Variants in BABAM1 observed in about 807,000 individuals in gnomAD.
BABAM1 encodes BRISC and BRCA1 A complex member 1.
In BABAM1, 14 loss-of-function variants were observed where a neutral mutation model predicts 34.4. The ratio of observed to expected loss-of-function variants is 0.41; its 90% CI spans 0.27 to 0.64. The LOEUF is 0.64. Ranked by LOEUF, BABAM1 falls within the 30% of genes least tolerant of loss-of-function variation. The pLI is 0.34. For synonymous variants in BABAM1, 169 were observed against 165.8 expected, an observed-to-expected ratio of 1.02 and a Z score of -0.15; for missense variants, 393 against 434.0, an observed-to-expected ratio of 0.91 and a Z score of 0.84.
intron 8 of BABAM1, among the ~76,000 whole-genome samples, chr19:17,277,966 G>A (rs1214439070): frequency 1.3e-5 from 2 of 151,716 alleles, no homozygotes; most frequent in African/African-American, 2.4e-5. Flanking sequence ...CACTTGAGTT[G>A]GGAGTTCGGA....
At chr19:17,269,448 T>C (rs2073812422) in intron 2 of BABAM1, among the ~76,000 whole-genome samples, 1 of 151,370 alleles carries the variant, frequency 6.6e-6, no homozygotes, top group Admixed American at 6.6e-5. Flanking sequence ...CCTCCCGGGT[T>C]CAAGCAATTC....
chr19:17,277,031 G>A, intron 8 of BABAM1, 122 bp downstream of exon 8: 1 of 932,510 alleles, frequency 1.1e-6, no homozygotes, highest in Non-Finnish European at 1.6e-6. Flanking sequence ...GGTTGGGGTA[G>A]GTCATGGCAT....
chr19:17,269,200 C>T lies in BABAM1; in HGVS notation c.285+109C>T, dbSNP rs1044743751. On this transcript the variant is annotated intron_variant, in intron 2 of 8. Transcript: ENST00000598188. ...CTTTGTATTCGTTACCTGTGGCTGC[C>T]ACAAGTCACCGTGGACTTGGTAGCT... 50 of 1,307,580 alleles carry T rather than the reference C, an allele frequency of 3.8e-5. No individual in the cohort carries two copies. The African/African-American group carries it at 7.0e-4, about 18-fold the overall frequency. The allele number at this position is 1,307,580 out of a possible 1,614,324, so 81.0% of individuals were successfully genotyped here.
chr19:17,271,346 G>C (rs1008159847), intron 2 of BABAM1, among the ~76,000 whole-genome samples: 1 of 152,102 alleles, frequency 6.6e-6, no homozygotes, highest in Non-Finnish European at 1.5e-5. Flanking sequence ...GCCACAGTTC[G>C]ATCCACTATA....
chr19:17,272,814 C>G (rs1041557766), intron 3 of BABAM1, among the ~76,000 whole-genome samples: 2 of 151,948 alleles, frequency 1.3e-5, no homozygotes. Context: ...GTCTGGAGTT[C>G]GAGACCAGCC....
intron 3 of BABAM1, among the ~76,000 whole-genome samples, chr19:17,273,564 G>GTTTTTTTTTTT (rs754203595): frequency 3.3e-4 from 15 of 45,922 alleles, no homozygotes; most frequent in East Asian, 8.6e-4. Flanking sequence ...TGTTTGTTTT[G>GTTTTTTTTTTT]TTTTTTTTTT....
intron 2 of BABAM1, among the ~76,000 whole-genome samples, chr19:17,269,393 C>T (rs1281218311): frequency 6.7e-6 from 1 of 150,210 alleles, no homozygotes; most frequent in Non-Finnish European, 1.5e-5. Context: ...TCTTGTTGCC[C>T]AGGCTGGAGT....
At chr19:17,269,348 CTTTTTTTTTT>C (rs71334696) in intron 2 of BABAM1, among the ~76,000 whole-genome samples, 2 of 123,052 alleles carry the variant, frequency 1.6e-5, no homozygotes, top group African/African-American at 6.4e-5. Context: ...TTTTGTCTGT[CTTTTTTTTTT>C]TTTTTTTTTG....
intron 5 of BABAM1, chr19:17,274,445 A>G (rs2073884405): frequency 2.0e-6 from 1 of 491,620 alleles, no homozygotes; most frequent in Non-Finnish European, 3.7e-6. Flanking sequence ...GTCCATGCCT[A>G]TAATCCCAGC....
intron 5 of BABAM1, among the ~76,000 whole-genome samples, chr19:17,275,353 C>T (rs192754040): frequency 3.9e-5 from 6 of 151,950 alleles, no homozygotes; most frequent in Admixed American, 2.0e-4. Flanking sequence ...TGCAGTGGCA[C>T]GATCTTGGCT....
At chr19:17,275,956 A>G (rs1335296167) in intron 6 of BABAM1, 131 bp downstream of exon 6, 3 of 1,025,020 alleles carry the variant, frequency 2.9e-6, no homozygotes, top group Non-Finnish European at 4.4e-6. Flanking sequence ...GCCCCGAGCA[A>G]TTCCTCATTT....
Position 17,276,446 on chromosome 19 carries a change from G to T in BABAM1, c.570-49G>T, listed in dbSNP as rs923550383. Reference sequence around the variant, plus strand: ...GGTCTCTCTCAGGGTGATAAGAGGGGCAGACCCCCACAGGCTGCTCTGACT... The same window carrying T: ...GGTCTCTCTCAGGGTGATAAGAGGGTCAGACCCCCACAGGCTGCTCTGACT... On this transcript the variant is annotated intron_variant, in intron 6 of 8. Coordinates refer to ENST00000598188, the MANE Select transcript of BABAM1 (RefSeq NM_014173.4). 1.9e-6 allele frequency: 3 copies of T among 1,562,118 alleles called. No individual in the cohort carries two copies. In the African/African-American group the frequency reaches 4.1e-5, roughly 21 times the overall value.
intron 2 of BABAM1, among the ~76,000 whole-genome samples, chr19:17,270,789 T>G (rs971651264): frequency 6.7e-6 from 1 of 149,486 alleles, no homozygotes; most frequent in Admixed American, 6.7e-5. Context: ...CTGGGTTCAC[T>G]CCATTCTCCT....
chr19:17,268,031 G>A (rs1394320032), intron 1 of BABAM1, among the ~76,000 whole-genome samples: 1 of 150,582 alleles, frequency 6.6e-6, no homozygotes, highest in Non-Finnish European at 1.5e-5. Flanking sequence ...AGACCATTTC[G>A]CTTTTTACCG....
At chr19:17,272,396 C>A (rs906657052) in intron 3 of BABAM1, among the ~76,000 whole-genome samples, 2 of 151,572 alleles carry the variant, frequency 1.3e-5, no homozygotes, top group African/African-American at 2.4e-5. Flanking sequence ...CAGAGCGAGA[C>A]CCTGTCCCTT....
intron 3 of BABAM1, among the ~76,000 whole-genome samples, chr19:17,273,424 G>A (rs1456158714): frequency 6.6e-6 from 1 of 152,176 alleles, no homozygotes; most frequent in African/African-American, 2.4e-5. Flanking sequence ...TTTGGAGAGG[G>A]CAGGAGCTCC....
chr19:17,268,103 A>G (rs891360826), intron 1 of BABAM1, among the ~76,000 whole-genome samples: 1 of 151,782 alleles, frequency 6.6e-6, no homozygotes, highest in African/African-American at 2.4e-5. Flanking sequence ...CTCTAATGAG[A>G]GTCTCTTTTC....
intron 1 of BABAM1, 129 bp from the exon 2 acceptor site, chr19:17,268,665 G>A (rs1362359940): frequency 9.8e-7 from 1 of 1,024,666 alleles, no homozygotes; most frequent in African/African-American, 1.6e-5. Context: ...CCAACCTCAG[G>A]TGATCCACCT....
At chr19:17,277,819 T>C (rs180852378) in intron 8 of BABAM1, among the ~76,000 whole-genome samples, 199 of 152,048 alleles carry the variant, frequency 1.3e-3, no homozygotes, top group Middle Eastern at 0.01. Context: ...GTGGAGATTG[T>C]AGTGAGCTGT....
Sources: allele counts gnomAD v4.1 joint callset (sites outside exome capture counted in the v4.1 genomes callset), GRCh38; gene constraint gnomAD v4.1.1; transcripts MANE v1.5; gene names NCBI Gene and HGNC (gene_info 2026-07-23, HGNC 2026-07-21).